Variants in GRAMD1A observed in about 807,000 individuals in gnomAD.
The protein encoded by GRAMD1A is protein Aster-A.
Under a neutral mutation model 92.0 loss-of-function variants are expected in GRAMD1A, and 50 were observed. That is an observed-to-expected ratio of 0.54 (90% CI 0.43 to 0.69). The LOEUF is 0.69. Among genes scored for constraint, GRAMD1A ranks in the 30% least tolerant of loss-of-function variants. GRAMD1A has a pLI of 0.00. For synonymous variants in GRAMD1A, 405 were observed against 403.6 expected, an observed-to-expected ratio of 1.00 and a Z score of -0.04; for missense variants, 819 against 978.9, an observed-to-expected ratio of 0.84 and a Z score of 2.18.
chr19:35,021,926 C>G lies in GRAMD1A; in HGVS notation c.1754-25C>G, dbSNP rs368284286. ...GATCGGGGGTCCTGGACTGGGCCAT[C>G]TGACTCCAAGCTGCTCTCCTGCAGG... is the stretch of plus-strand genomic sequence containing the variant. On this transcript the variant is annotated intron_variant, in intron 15 of 19. Transcript: ENST00000317991. This position sits in a 1 kb window ranked among gnomAD's most constrained non-coding sequence, Gnocchi z 5.3. 1.6e-5 allele frequency: 26 copies of G among 1,612,954 alleles called. No individual in the cohort carries two copies. Among genetic ancestry groups the G allele is most frequent in the Middle Eastern group, 1.6e-4 (1 of 6,080 alleles).
chr19:35,017,852 A>G (rs2015754606), intron 11 of GRAMD1A, among the ~76,000 whole-genome samples: 1 of 151,986 alleles, frequency 6.6e-6, no homozygotes, highest in Admixed American at 6.6e-5. Context: ...TTATTTATAG[A>G]TATTTCCTGT....
At chr19:35,022,114 G>A in intron 16 of GRAMD1A, 76 bp downstream of exon 16, 1 of 1,046,892 alleles carries the variant, frequency 9.6e-7, no homozygotes, top group East Asian at 2.4e-5. Flanking sequence ...GCAAGTGTGT[G>A]GCCTCTTTGA....
intron 1 of GRAMD1A, among the ~76,000 whole-genome samples, chr19:35,006,137 C>T (rs962830775): frequency 9.9e-5 from 15 of 152,146 alleles, no homozygotes; most frequent in Admixed American, 1.3e-4. Context: ...AGACCAGCAA[C>T]GTGGTGGAAC....
intron 11 of GRAMD1A, among the ~76,000 whole-genome samples, chr19:35,016,258 C>T (rs1032540823): frequency 6.6e-6 from 1 of 152,098 alleles, no homozygotes. Context: ...TAGAAAAGTT[C>T]CTAGAGCAAT....
At position 35,013,694 on chromosome 19, in the gene GRAMD1A, G is replaced by A. The variant is rs1426665729; in HGVS notation, c.870+3G>A. 3 of 1,604,138 alleles carry A rather than the reference G, an allele frequency of 1.9e-6. No homozygotes were observed. Among genetic ancestry groups the A allele is most frequent in the Admixed American group, 3.4e-5 (2 of 59,386 alleles). On this transcript the variant is annotated splice_donor_region_variant and intron_variant, in intron 9 of 19. Coordinates refer to ENST00000317991, the MANE Select transcript of GRAMD1A (RefSeq NM_020895.5). This position sits in a 1 kb window ranked among gnomAD's most constrained non-coding sequence, Gnocchi z 4.9. ...CCAGCAGCGACGCAGACCATGGGGTGAGCGGTGGGTTGGAAGAGGGGTGGG... is the reference window on the plus strand; with the variant it reads ...CCAGCAGCGACGCAGACCATGGGGTAAGCGGTGGGTTGGAAGAGGGGTGGG...
intron 10 of GRAMD1A, chr19:35,014,740 A>C: frequency 3.3e-6 from 1 of 304,134 alleles, no homozygotes; most frequent in Non-Finnish European, 6.4e-6. Flanking sequence ...GAGACTATAA[A>C]TGAGGCTGGG....
chr19:35,019,726 A>C (rs531581215), intron 13 of GRAMD1A, among the ~76,000 whole-genome samples, 193 bp downstream of exon 13: 58 of 152,264 alleles, frequency 3.8e-4, no homozygotes, highest in African/African-American at 1.4e-3. Context: ...TCCCATCTAC[A>C]GAGGGTGTTT....
At chr19:34,997,332 C>G (rs972837533), upstream of GRAMD1A, among the ~76,000 whole-genome samples, 5 of 142,990 alleles carry the variant, frequency 3.5e-5, no homozygotes, top group African/African-American at 1.1e-4. Context: ...TTTCTAAGTG[C>G]GTGCTGGAAG....
chr19:35,026,395 C>T lies in GRAMD1A; in HGVS notation c.*254C>T, dbSNP rs2016443539. 1.8e-5 allele frequency: 10 copies of T among 555,910 alleles called. No homozygotes were observed. The highest frequency in any genetic ancestry group is 5.8e-5 in the East Asian group (2 of 34,636). The allele number at this position is 555,910 out of a possible 1,614,324, so 34.4% of individuals were successfully genotyped here. On this transcript the variant is annotated 3_prime_UTR_variant, in exon 20 of 20. Coordinates refer to ENST00000317991, the MANE Select transcript of GRAMD1A (RefSeq NM_020895.5). ...TGTGGGGGGCGCCTCCTGGGGTGCACGATTCCCTCAGCTCTGGGTTTAATG... is the reference window on the plus strand; with the variant it reads ...TGTGGGGGGCGCCTCCTGGGGTGCATGATTCCCTCAGCTCTGGGTTTAATG...
chr19:35,004,418 G>A (rs974451780), intron 1 of GRAMD1A, among the ~76,000 whole-genome samples: 9 of 152,142 alleles, frequency 5.9e-5, no homozygotes, highest in African/African-American at 2.2e-4. Flanking sequence ...AGTGGGTCCT[G>A]GACTCTGCCT....
chr19:35,009,719 G>A lies in GRAMD1A; in HGVS notation c.241-169G>A, dbSNP rs182206619. On this transcript the variant is annotated intron_variant, in intron 3 of 19. Transcript: ENST00000317991. ...CTGGTGGGTGCTTGGTACGGGGCCC[G>A]GCTTACATAAGAAATCTGTAAATGG... 1,817 of 647,574 alleles carry A rather than the reference G, an allele frequency of 2.8e-3. 5 individuals carry two copies. Among genetic ancestry groups the A allele is most frequent in the Non-Finnish European group, 4.0e-3 (1,435 of 359,970 alleles). The allele number at this position is 647,574 out of a possible 1,614,324, so 40.1% of individuals were successfully genotyped here.
At chr19:35,003,559 C>G (rs548079217) in intron 1 of GRAMD1A, among the ~76,000 whole-genome samples, 1 of 152,234 alleles carries the variant, frequency 6.6e-6, no homozygotes, top group African/African-American at 2.4e-5. Context: ...TTGAGCCTCT[C>G]TTCAGGATTC....
rs780735657 is a variant in GRAMD1A, at chr19:35,021,668, A to C, written c.1580-23A>C. 6.8e-6 allele frequency: 11 copies of C among 1,614,002 alleles called. No individual in the cohort carries two copies. The highest frequency in any genetic ancestry group is 6.6e-5 in the South Asian group (6 of 91,090). ...ATGGCCTGGCCAGGTATGGACATCC[A>C]GAGCCCCCTCTCTTTTACGCAGAGC... On this transcript the variant is annotated intron_variant, in intron 14 of 19. Transcript: ENST00000317991. The surrounding 1 kb of genome is among the most constrained non-coding windows in gnomAD (Gnocchi z 5.3).
At chr19:35,019,112 C>G (rs1225170832) in intron 11 of GRAMD1A, 79 bp from the exon 12 acceptor site, 15 of 933,348 alleles carry the variant, frequency 1.6e-5, no homozygotes, top group Non-Finnish European at 6.8e-6. Flanking sequence ...AGAGAGACCT[C>G]CCAGAAGGCT....
rs1161010328 is a variant in GRAMD1A at position 35,021,847 on chromosome 19, C to T, written c.1736C>T (p.Ala579Val). The change falls in exon 15 of 20, where the codon GCC becomes GTC. Residue 579 changes from alanine to valine, a missense_variant. By Grantham distance (64) the Ala-to-Val change is moderately conservative. This residue lies in a region of GRAMD1A where 577 missense variants were observed against 674.6 expected (regional missense o/e 0.86). Coordinates refer to ENST00000317991, the MANE Select transcript of GRAMD1A (RefSeq NM_020895.5). This position sits in a 1 kb window ranked among gnomAD's most constrained non-coding sequence, Gnocchi z 5.3. ...QHPDPDPCARAGIHTSGSLSS... is the reference protein window; with the variant it reads ...QHPDPDPCARVGIHTSGSLSS... ...CCAGATCCTGACCCCTGTGCCCGGG[C>T]CGGCATTCACACCTCGGGTACGTTC... 6.2e-7 allele frequency: 1 copy of T among 1,602,936 alleles called. No individual in the cohort carries two copies. Among genetic ancestry groups the T allele is most frequent in the African/African-American group, 1.3e-5 (1 of 74,802 alleles).
At chr19:35,022,805 A>T in intron 16 of GRAMD1A, 95 bp from the exon 17 acceptor site, 5 of 1,338,496 alleles carry the variant, frequency 3.7e-6, no homozygotes, top group Non-Finnish European at 4.1e-6. Context: ...TGGTGCTCTC[A>T]GCCAAGAGCT....
At chr19:35,014,465 C>A in intron 10 of GRAMD1A, 78 bp downstream of exon 10, 1 of 1,266,496 alleles carries the variant, frequency 7.9e-7, no homozygotes, top group South Asian at 1.2e-5. Flanking sequence ...GGGATGGATT[C>A]GCCCGCAGCA....
rs867614503 is a variant in GRAMD1A, at chr19:35,015,980, A to C, written c.1213+13A>C. On this transcript the variant is annotated intron_variant, in intron 11 of 19. Transcript: ENST00000317991. ...TGCAAGTTCACAGGTCAGCGGGCGC[A>C]TGAAGGAGAGGCTGAGGTTACCCAG... 4.3e-6 allele frequency: 7 copies of C among 1,610,908 alleles called. 1 individual carries two copies. The South Asian group carries it at 7.7e-5, about 18-fold the overall frequency.
intron 13 of GRAMD1A, 28 bp downstream of exon 13, chr19:35,019,561 G>C (rs769077888): frequency 1.6e-5 from 25 of 1,610,364 alleles, no homozygotes; most frequent in Non-Finnish European, 2.1e-5. Context: ...CCCTCCACCC[G>C]ATGCCCTGGT....
Sources: gnomAD v4.1 joint callset for allele counts (sites outside exome capture counted in the v4.1 genomes callset) on GRCh38, gnomAD v4.1.1 for gene constraint, gnomAD v4.1.1 regional missense constraint, Gnocchi (gnomAD v3.1) non-coding constraint, MANE v1.5 for transcripts, NCBI Gene and HGNC (gene_info 2026-07-23, HGNC 2026-07-21) for gene names.